Variants in AKNA observed in about 807,000 individuals in gnomAD.
AKNA encodes the protein AT-hook transcription factor, also known as microtubule organization protein AKNA.
AKNA carries 67 observed loss-of-function variants against 138.8 expected under a neutral mutation model. The ratio of observed to expected loss-of-function variants is 0.48; its 90% confidence interval spans 0.40 to 0.59. The LOEUF (loss-of-function observed/expected upper bound fraction) is 0.59. Ranked by LOEUF, AKNA falls within the 20% of genes least tolerant of loss-of-function variation. The probability of loss-of-function intolerance (pLI) is 0.00; values close to 1 mark genes in which losing one functional copy is unlikely to be tolerated. For missense variants in AKNA, 1,813 were observed against 1,880.4 expected, an observed-to-expected ratio of 0.96 and a Z score of 0.66; for synonymous variants, 737 against 754.4, an observed-to-expected ratio of 0.98 and a Z score of 0.38.
chr9:114,357,359 A>T (rs768310660), intron 12 of AKNA, among the ~76,000 whole-genome samples: 6 of 152,202 alleles, frequency 3.9e-5, no homozygotes, highest in Non-Finnish European at 7.3e-5. Context: ...GGCCCAAGGC[A>T]TTGGAAAAAC....
chr9:114,348,300 G>A (rs1830842122), intron 15 of AKNA, among the ~76,000 whole-genome samples: 1 of 152,150 alleles, frequency 6.6e-6, no homozygotes, highest in Non-Finnish European at 1.5e-5. Context: ...CCCTACCACT[G>A]TGCAAGCCCA....
chr9:114,390,062 C>T (rs1269153097), upstream of AKNA, among the ~76,000 whole-genome samples: 1 of 152,188 alleles, frequency 6.6e-6, no homozygotes, highest in Non-Finnish European at 1.5e-5. Flanking sequence ...CTCACCCTCC[C>T]TCCCTGGTCA....
chr9:114,366,843 T>C (rs1426247071), intron 6 of AKNA, among the ~76,000 whole-genome samples: 1 of 152,142 alleles, frequency 6.6e-6, no homozygotes, highest in Admixed American at 6.5e-5. Context: ...ATTTCTCTTT[T>C]GGCATTGGCA....
At chr9:114,391,136 CAG>C (rs137907913), upstream of AKNA, among the ~76,000 whole-genome samples, 426 of 152,354 alleles carry the variant, frequency 2.8e-3, 12 homozygotes, top group East Asian at 0.036. Context: ...GTTGGGTAAA[CAG>C]AGGCCCCTAG....
intron 6 of AKNA, 146 bp downstream of exon 6, chr9:114,367,397 G>T: frequency 1.0e-6 from 1 of 1,000,926 alleles, no homozygotes; most frequent in Non-Finnish European, 1.4e-6. Flanking sequence ...AGGGGCTCAT[G>T]TTTTGGGGAT....
chr9:114,363,874 C>T (rs1832147125), intron 7 of AKNA, among the ~76,000 whole-genome samples: 1 of 152,160 alleles, frequency 6.6e-6, no homozygotes, highest in Non-Finnish European at 1.5e-5. Context: ...CGCCTACACT[C>T]CCAGACTTGA....
rs887073542 is a variant in AKNA, at chr9:114,357,511, A to G, written c.2739+410T>C. ...CTGACCATGGGCTCGTTAGGACTAC[A>G]GAAGTGTGTGTGTGTGTGTGTGTGT... On this transcript the variant is annotated intron_variant, in intron 12 of 21. Transcript: ENST00000374088. Among the ~76,000 whole-genome samples, 132 of 116,630 alleles carry G rather than the reference A, an allele frequency of 1.1e-3. 2 individuals carry two copies. The highest frequency in any genetic ancestry group is 1.3e-3 in the Non-Finnish European group (72 of 54,962). The allele number at this position is 116,630 out of a possible 152,430, so 76.5% of individuals were successfully genotyped here.
intron 9 of AKNA, among the ~76,000 whole-genome samples, chr9:114,360,803 T>C (rs1335984169): frequency 2.0e-5 from 3 of 152,142 alleles, no homozygotes; most frequent in African/African-American, 7.2e-5. Context: ...TACACTCAAT[T>C]TGCTCGCCTG....
Position 114,337,012 on chromosome 9 carries a change from T to TGGGGGGGGGGGGGGGGGGGGGGG in AKNA, c.*41_*42insCCCCCCCCCCCCCCCCCCCCCCC. 8.3e-6 allele frequency: 10 copies of TGGGGGGGGGGGGGGGGGGGGGGG among 1,208,218 alleles called. No homozygotes were observed. Among genetic ancestry groups the TGGGGGGGGGGGGGGGGGGGGGGG allele is most frequent in the Non-Finnish European group, 1.1e-5 (10 of 929,346 alleles). The allele number at this position is 1,208,218 out of a possible 1,614,324, so 74.8% of individuals were successfully genotyped here. A position where few individuals can be genotyped will look rare whatever the true frequency, so the allele number is the denominator to read the frequency against. On this transcript the variant is annotated 3_prime_UTR_variant, in exon 22 of 22. Transcript: ENST00000374088. ...CCCACTCCTGGCCTGGCAGGCCACCTGCCCACCCACCCACCCATCTGCCTC... is the reference window on the plus strand; with the variant it reads ...CCCACTCCTGGCCTGGCAGGCCACCTGGGGGGGGGGGGGGGGGGGGGGGGCCCACCCACCCACCCATCTGCCTC...
rs371628154 is a variant in AKNA, at chr9:114,357,906, C to T, written c.2739+15G>A. Reference sequence around the variant, plus strand: ...CCCTGAGGTTCTGGGCCCATTCCCCCATGTGGAGACTTACCTCCAGGTGGG... The same window carrying T: ...CCCTGAGGTTCTGGGCCCATTCCCCTATGTGGAGACTTACCTCCAGGTGGG... On this transcript the variant is annotated intron_variant, in intron 12 of 21. Coordinates refer to ENST00000374088, the MANE Select transcript of AKNA (RefSeq NM_001317950.2). The T allele has an allele frequency of 1.9e-6, 3 of 1,595,370 alleles. No homozygotes were observed. The African/African-American group carries it at 4.1e-5, about 22-fold the overall frequency.
chr9:114,333,341 G>C, downstream of AKNA: 1 of 796,708 alleles, frequency 1.3e-6, no homozygotes, highest in East Asian at 2.8e-5. Context: ...CGCTGTCCCT[G>C]GTGGGAAGAG....
At chr9:114,377,750 A>G (rs1286567651) in intron 2 of AKNA, 6 of 574,916 alleles carry the variant, frequency 1.0e-5, no homozygotes, top group African/African-American at 7.5e-5. Flanking sequence ...AACCCGGTGG[A>G]TGGTCCCTCC....
At chr9:114,351,072 C>A in intron 14 of AKNA, 51 bp from the exon 15 acceptor site, 1 of 1,563,194 alleles carries the variant, frequency 6.4e-7, no homozygotes. Flanking sequence ...AGAGAACTTC[C>A]AAGCTCACAC....
At chr9:114,347,697 A>C in intron 16 of AKNA, 27 bp downstream of exon 16, 3 of 1,502,256 alleles carry the variant, frequency 2.0e-6, no homozygotes, top group Non-Finnish European at 2.7e-6. Flanking sequence ...CCACCAGGAC[A>C]GAGGTGGGAG....
chr9:114,344,247 C>A (rs1181775307), intron 18 of AKNA: 2 of 179,766 alleles, frequency 1.1e-5, no homozygotes, highest in South Asian at 9.7e-5. Context: ...GGCACAGGGT[C>A]AGTGGTGTTT....
chr9:114,360,036 G>A lies in AKNA; in HGVS notation c.2151C>T (p.Ser717=). Residue 717 remains serine (S), a synonymous_variant, in exon 10 of 22, where the codon AGC becomes AGT. Transcript: ENST00000374088. The part of the protein sequence containing the change: ...PEPATTTAAA[S]TGPCPLHVNV... ...TTACGTGCAATGGGCAGGGGCCAGT[G>A]CTGGCGGCGGCAGTGGTGGTAGCAG... The A allele has an allele frequency of 6.2e-7, 1 of 1,614,210 alleles. No individual in the cohort carries two copies. Among genetic ancestry groups the A allele is most frequent in the East Asian group, 2.2e-5 (1 of 44,892 alleles).
chr9:114,330,640 C>G, downstream of AKNA: 8 of 1,600,256 alleles, frequency 5.0e-6, no homozygotes, highest in Non-Finnish European at 6.0e-6. Context: ...GAGCAAGTCC[C>G]TCCTTCTTCC....
Position 114,341,704 on chromosome 9 carries a change from C to T in AKNA, c.3896G>A (p.Arg1299Lys), listed in dbSNP as rs139974916. The T allele has an allele frequency of 2.5e-6, 4 of 1,582,282 alleles. No individual in the cohort carries two copies. Among genetic ancestry groups the T allele is most frequent in the African/African-American group, 1.4e-5 (1 of 73,326 alleles). Reference sequence around the variant, plus strand: ...GCTGGGAGTTGAAGATGCTTTTCTCCTCGTGGTGGCCTTCTCTGCCCCTAT... The same window carrying T: ...GCTGGGAGTTGAAGATGCTTTTCTCTTCGTGGTGGCCTTCTCTGCCCCTAT... ...ATSGAEKATT[R>K]RKASSTPSPK... Residue 1299 changes from arginine (R) to lysine (K), a missense_variant, in exon 21 of 22, where the codon AGG (arginine) becomes AAG (lysine). Arg to Lys is a conservative substitution (Grantham distance 26). Coordinates refer to ENST00000374088, the MANE Select transcript of AKNA (RefSeq NM_001317950.2).
chr9:114,380,922 G>A, intron 2 of AKNA, 138 bp downstream of exon 2: 1 of 1,008,328 alleles, frequency 9.9e-7, no homozygotes, highest in Non-Finnish European at 1.3e-6. Flanking sequence ...GGCAGAGGCT[G>A]TAGTGAGCCG....
Sources: allele counts gnomAD v4.1 joint callset (sites outside exome capture counted in the v4.1 genomes callset), GRCh38; gene constraint gnomAD v4.1.1; transcripts MANE v1.5; gene names NCBI Gene and HGNC (gene_info 2026-07-23, HGNC 2026-07-21).